The following ELAVL4 variants were observed in gnomAD, a reference collection of about 807,000 sequenced individuals.
ELAVL4 encodes the protein ELAV like RNA binding protein 4.
ELAVL4 carries 1 observed loss-of-function variant against 35.6 expected under a neutral mutation model. That is an observed-to-expected ratio of 0.03 (90% CI 0.01 to 0.13). The LOEUF is 0.13. Ranked by LOEUF, ELAVL4 falls within the 10% of genes least tolerant of loss-of-function variation. The pLI is 1.00. For synonymous variants in ELAVL4, 156 were observed against 171.0 expected, an observed-to-expected ratio of 0.91 and a Z score of 0.69; for missense variants, 267 against 464.9, an observed-to-expected ratio of 0.57 and a Z score of 3.91.
In ELAVL4 at chr1:50,202,047, G is replaced by A. The variant is rs1356182685; in HGVS notation, c.*869G>A. 2.6e-5 allele frequency: 4 copies of A among 152,190 alleles called. 1 individual carries two copies. The highest frequency in any genetic ancestry group is 6.5e-5 in the Admixed American group (1 of 15,278). The allele number at this position is 152,190 out of a possible 1,614,324, so 9.4% of individuals were successfully genotyped here. A position where few individuals can be genotyped will look rare whatever the true frequency, so the allele number is the denominator to read the frequency against. On this transcript the variant is annotated 3_prime_UTR_variant, in exon 7 of 7. Transcript: ENST00000371824. ...CTGGTAACTTTTTAGAGATCAAGAT[G>A]TGTGTTTTAAACTGGATTCGTAGAC... is the stretch of plus-strand genomic sequence containing the variant.
At chr1:50,076,114 C>A (rs1157682420) in intron 1 of ELAVL4, among the ~76,000 whole-genome samples, 16 of 152,186 alleles carry the variant, frequency 1.1e-4, no homozygotes, top group African/African-American at 3.9e-4. Context: ...CAGGCATGAG[C>A]CACCGCACCA....
chr1:50,126,381 T>C (rs1669921556), intron 1 of ELAVL4, among the ~76,000 whole-genome samples: 1 of 152,142 alleles, frequency 6.6e-6, no homozygotes, highest in African/African-American at 2.4e-5. Context: ...TCTGGAGTCT[T>C]AAATCCTGAG....
At chr1:50,090,453 T>C (rs1665441025) in intron 1 of ELAVL4, among the ~76,000 whole-genome samples, 1 of 152,080 alleles carries the variant, frequency 6.6e-6, no homozygotes, top group Admixed American at 6.5e-5. Flanking sequence ...AGTCTAGTAT[T>C]GCAATTGAAA....
intron 1 of ELAVL4, among the ~76,000 whole-genome samples, chr1:50,070,069 A>T (rs188633889): frequency 5.3e-5 from 8 of 152,276 alleles, no homozygotes; most frequent in African/African-American, 1.7e-4. Flanking sequence ...CATAGAATTG[A>T]TATATTTGCC....
intron 2 of ELAVL4, among the ~76,000 whole-genome samples, chr1:50,173,579 C>G (rs949671066): frequency 7.9e-5 from 12 of 152,174 alleles, no homozygotes; most frequent in Non-Finnish European, 1.5e-4. Flanking sequence ...CACCTGGGCA[C>G]CAAGGGGCCA....
chr1:50,125,254 T>A (rs888361063), intron 1 of ELAVL4, among the ~76,000 whole-genome samples: 104 of 151,236 alleles, frequency 6.9e-4, no homozygotes, highest in African/African-American at 1.9e-3. Flanking sequence ...AAAAAAAAAA[T>A]AAAAGTAGAT....
At chr1:50,101,424 G>A (rs534392595), upstream of ELAVL4, among the ~76,000 whole-genome samples, 1 of 152,242 alleles carries the variant, frequency 6.6e-6, no homozygotes, top group African/African-American at 2.4e-5. Context: ...GATTAAATGA[G>A]ATATCTTGAG....
At chr1:50,059,837 A>G (rs2148476017) in intron 1 of ELAVL4, among the ~76,000 whole-genome samples, 1 of 151,748 alleles carries the variant, frequency 6.6e-6, no homozygotes, top group East Asian at 1.9e-4. Flanking sequence ...AACATAAGTG[A>G]AAGAAGCCAG....
intron 5 of ELAVL4, among the ~76,000 whole-genome samples, chr1:50,196,150 C>A (rs1644044661): frequency 6.6e-6 from 1 of 152,178 alleles, no homozygotes; most frequent in Non-Finnish European, 1.5e-5. Flanking sequence ...TTAATAAATT[C>A]AAAAAATAGA....
At position 50,200,879 on chromosome 1, in the gene ELAVL4, A is replaced by G; in HGVS notation, c.802A>G (p.Thr268Ala). 2 of 1,613,918 alleles carry G rather than the reference A, an allele frequency of 1.2e-6. No homozygotes were observed. The highest frequency in any genetic ancestry group is 2.7e-5 in the African/African-American group (2 of 74,952). The change falls in exon 7 of 7, where the codon ACA (threonine) becomes GCA (alanine). Residue 268 changes from threonine (T) to alanine (A), a missense_variant. Transcript: ENST00000371824. Reference protein sequence around the residue: ...RFSPITIDGMTSLVGMNIPGH... With the variant: ...RFSPITIDGMASLVGMNIPGH... ...CTCCCCAATTACCATTGATGGAATG[A>G]CAAGCCTTGTGGGAATGAACATCCC...
intron 1 of ELAVL4, among the ~76,000 whole-genome samples, chr1:50,094,783 A>AAATTG: frequency 6.6e-6 from 1 of 151,916 alleles, no homozygotes; most frequent in African/African-American, 2.4e-5. Context: ...TAAATAAATT[A>AAATTG]GCTGGGCTTG....
rs115137524 is a variant in ELAVL4, at chr1:50,202,874, G to A, written c.*1696G>A. On this transcript the variant is annotated 3_prime_UTR_variant, in exon 7 of 7. Coordinates refer to ENST00000371824, the MANE Select transcript of ELAVL4 (RefSeq NM_001144774.3). ...GAATATTTTTTCTTACTGCACAGTA[G>A]AAAAATAAAAACAACTGAGTCTTTA... 676 of 152,070 alleles carry A rather than the reference G, an allele frequency of 4.4e-3. 5 individuals are homozygous for A. The highest frequency in any genetic ancestry group is 0.016 in the African/African-American group (652 of 41,510). The allele number at this position is 152,070 out of a possible 1,614,324, so 9.4% of individuals were successfully genotyped here. A position where few individuals can be genotyped will look rare whatever the true frequency, so the allele number is the denominator to read the frequency against.
intron 1 of ELAVL4, among the ~76,000 whole-genome samples, chr1:50,140,034 A>C (rs1325491509): frequency 6.6e-6 from 1 of 152,230 alleles, no homozygotes; most frequent in African/African-American, 2.4e-5. Context: ...CAGAAACATA[A>C]AAGATTTAAT....
intron 1 of ELAVL4, among the ~76,000 whole-genome samples, chr1:50,076,580 C>A (rs1443742622): frequency 6.6e-6 from 1 of 152,164 alleles, no homozygotes; most frequent in Non-Finnish European, 1.5e-5. Flanking sequence ...GAAGAGGGAA[C>A]TACTGTAGTG....
At chr1:50,115,299 G>GA (rs1320063347) in intron 1 of ELAVL4, 11 of 152,100 alleles carry the variant, frequency 7.2e-5, no homozygotes, top group African/African-American at 2.7e-4. Context: ...TTTTGGTTGA[G>GA]AAAGCAGTAG....
At chr1:50,103,420 T>C (rs1032164992), upstream of ELAVL4, among the ~76,000 whole-genome samples, 3 of 152,132 alleles carry the variant, frequency 2.0e-5, no homozygotes, top group Admixed American at 1.3e-4. Context: ...GATTTAATGT[T>C]TCTACATGAT....
intron 2 of ELAVL4, among the ~76,000 whole-genome samples, chr1:50,175,095 C>A (rs1679756495): frequency 6.6e-6 from 1 of 152,210 alleles, no homozygotes; most frequent in Admixed American, 6.5e-5. Flanking sequence ...CCTTTAAAAG[C>A]AGCTCAACTT....
At chr1:50,097,033 T>C (rs1665745195) in intron 1 of ELAVL4, among the ~76,000 whole-genome samples, 1 of 152,068 alleles carries the variant, frequency 6.6e-6, no homozygotes, top group African/African-American at 2.4e-5. Context: ...CTGGGCAACA[T>C]AGTGAGATCT....
chr1:50,180,645 G>A (rs1318736623), intron 3 of ELAVL4: 1 of 152,150 alleles, frequency 6.6e-6, no homozygotes, highest in Non-Finnish European at 1.5e-5. Context: ...AGTGTGGATG[G>A]TGACTCCAGG....
Sources: gnomAD v4.1 joint callset for allele counts (sites outside exome capture counted in the v4.1 genomes callset) on GRCh38, gnomAD v4.1.1 for gene constraint, MANE v1.5 for transcripts, NCBI Gene and HGNC (gene_info 2026-07-23, HGNC 2026-07-21) for gene names.